Variants in SEC23IP observed in about 807,000 individuals in gnomAD.
The protein encoded by SEC23IP is SEC23-interacting protein.
A neutral mutation model predicts 113.4 loss-of-function variants in SEC23IP; 70 were observed. That is an observed-to-expected ratio of 0.62 (90% CI 0.51 to 0.75). The LOEUF (loss-of-function observed/expected upper bound fraction) is 0.75, where lower values mean the gene tolerates loss of function less well. Among genes scored for constraint, SEC23IP ranks in the 30% least tolerant of loss-of-function variants. SEC23IP has a pLI of 0.00. For synonymous variants in SEC23IP, 398 were observed against 421.0 expected (o/e 0.95, Z 0.67); for missense variants, 1,160 against 1,204.9 (o/e 0.96, Z 0.55).
chr10:119,897,409 G>A (rs1165222050), intron 1 of SEC23IP, among the ~76,000 whole-genome samples: 3 of 152,190 alleles, frequency 2.0e-5, no homozygotes, highest in African/African-American at 7.2e-5. Context: ...CAAAGGGATG[G>A]GAGATCTTCC....
chr10:119,915,883 TG>T lies in SEC23IP; in HGVS notation c.1540del (p.Asp514ThrfsTer24). The T allele has an allele frequency of 6.6e-7, 1 of 1,523,366 alleles. No individual in the cohort carries two copies. Among genetic ancestry groups the T allele is most frequent in the Non-Finnish European group, 8.8e-7 (1 of 1,132,612 alleles). 94.4% of individuals were successfully genotyped at this position (1,523,366 alleles called of 1,614,324 possible). A position where few individuals can be genotyped will look rare whatever the true frequency, so the allele number is the denominator to read the frequency against. ...HSSLGGDATG[V>X]DRNIKKITLP... is the part of the protein sequence containing the mutation. ...TCTTTGGGTGGGGACGCCACAGGTG[TG>T]GACAGGTTTGTGGATTTTGATAACT... On this transcript the variant is annotated frameshift_variant, in exon 8 of 19. Transcript: ENST00000369075. LOFTEE classifies it high-confidence loss of function.
In SEC23IP at chr10:119,899,481, A is replaced by T. The variant is rs540182410; in HGVS notation, c.696+522A>T. On this transcript the variant is annotated intron_variant, in intron 2 of 18. Transcript: ENST00000369075. ...ATTCCCTTATGCATTTTTCCCAACT[A>T]ATTGTTTATTTGATTTCCAAAGAAA... Among the ~76,000 whole-genome samples, 5 of 152,364 alleles carry T rather than the reference A, an allele frequency of 3.3e-5. No homozygotes were observed. In the South Asian group the frequency reaches 1.0e-3, roughly 32 times the overall value.
At chr10:119,902,051 T>C (rs899661939) in intron 2 of SEC23IP, among the ~76,000 whole-genome samples, 11 of 152,010 alleles carry the variant, frequency 7.2e-5, no homozygotes, top group African/African-American at 2.7e-4. Context: ...GGTCAAGGAG[T>C]AGGCACATTT....
chr10:119,933,266 C>A, intron 17 of SEC23IP, 99 bp downstream of exon 17: 1 of 940,440 alleles, frequency 1.1e-6, no homozygotes, highest in Non-Finnish European at 1.6e-6. Flanking sequence ...ATACAATGTA[C>A]TATGAATATT....
intron 11 of SEC23IP, 129 bp from the exon 12 acceptor site, chr10:119,920,756 ATAAC>A: frequency 1.8e-6 from 1 of 553,850 alleles, no homozygotes; most frequent in South Asian, 2.8e-5. Context: ...TAAATACAAA[ATAAC>A]TAACTTGTAA....
intron 2 of SEC23IP, among the ~76,000 whole-genome samples, chr10:119,902,595 C>A (rs761555680): frequency 2.0e-5 from 3 of 151,942 alleles, no homozygotes; most frequent in Non-Finnish European, 4.4e-5. Context: ...GTATAGATAT[C>A]CCTCACCTCA....
At chr10:119,938,813 T>G (rs928885768) in intron 18 of SEC23IP, among the ~76,000 whole-genome samples, 6 of 152,244 alleles carry the variant, frequency 3.9e-5, no homozygotes, top group Non-Finnish European at 8.8e-5. Flanking sequence ...TTCACTATAA[T>G]TGTTTTATTT....
chr10:119,913,353 G>C (rs559895045), intron 6 of SEC23IP, among the ~76,000 whole-genome samples: 1 of 152,308 alleles, frequency 6.6e-6, no homozygotes, highest in Non-Finnish European at 1.5e-5. Flanking sequence ...GGGGATTGCA[G>C]ACTTTTTCTG....
intron 1 of SEC23IP, among the ~76,000 whole-genome samples, chr10:119,896,970 A>G (rs1854303374): frequency 6.6e-6 from 1 of 152,210 alleles, no homozygotes; most frequent in Non-Finnish European, 1.5e-5. Flanking sequence ...TACCAAAAGG[A>G]GTATTTTGAA....
chr10:119,936,176 T>G (rs531156181), intron 18 of SEC23IP, among the ~76,000 whole-genome samples: 2 of 152,230 alleles, frequency 1.3e-5, no homozygotes, highest in African/African-American at 2.4e-5. Flanking sequence ...AACTCTGATA[T>G]GTAGTTTTAC....
intron 4 of SEC23IP, among the ~76,000 whole-genome samples, chr10:119,906,134 T>A (rs923090517): frequency 2.0e-5 from 3 of 151,260 alleles, no homozygotes; most frequent in Admixed American, 2.0e-4. Context: ...ACAAAAAAAT[T>A]AGCTGGGCAT....
Position 119,898,805 on chromosome 10 carries a change from A to G in SEC23IP, c.542A>G (p.Asn181Ser). ...QPQGIPQPGY[N>S]PYRHTPGSSR... is the part of the protein sequence containing the mutation. ...CAAGGAATTCCCCAACCAGGATACAATCCATATCGCCATACCCCTGGCAGC... is the reference window on the plus strand; with the variant it reads ...CAAGGAATTCCCCAACCAGGATACAGTCCATATCGCCATACCCCTGGCAGC... Residue 181 changes from asparagine (N) to serine (S), a missense_variant, in exon 2 of 19, where the codon AAT becomes AGT. By Grantham distance (46) the Asn-to-Ser change is conservative (BLOSUM62 1). Coordinates refer to ENST00000369075, the MANE Select transcript of SEC23IP (RefSeq NM_007190.4). The G allele has an allele frequency of 6.2e-7, 1 of 1,614,120 alleles. No individual in the cohort carries two copies. The highest frequency in any genetic ancestry group is 8.5e-7 in the Non-Finnish European group (1 of 1,180,026).
In SEC23IP at chr10:119,898,615, A is replaced by C; in HGVS notation, c.352A>C (p.Thr118Pro). 6.2e-7 allele frequency: 1 copy of C among 1,614,194 alleles called. No homozygotes were observed. ...ACAATCAGGATTCCCCAAGCCCCTG[A>C]CTGCTCTCCCTTTTACAACTGGATC... ...VGQSGFPKPL[T>P]ALPFTTGSQD... is the part of the protein sequence containing the mutation. The change falls in exon 2 of 19, where the codon ACT (threonine) becomes CCT (proline). Residue 118 changes from threonine (T) to proline (P), a missense_variant. Transcript: ENST00000369075.
At chr10:119,932,712 G>A (rs540705284) in intron 16 of SEC23IP, among the ~76,000 whole-genome samples, 1 of 152,298 alleles carries the variant, frequency 6.6e-6, no homozygotes, top group African/African-American at 2.4e-5. Context: ...GAAGGTCATC[G>A]TGCTGTGATG....
At position 119,926,067 on chromosome 10, in the gene SEC23IP, C is replaced by T. The variant is rs150192084; in HGVS notation, c.2153C>T (p.Ala718Val). ...GCAGCGTCAGAAAAGAAGGCAGTGG[C>T]GGCCACTTCTACAAAAGGACAAGAG... ...KKAASEKKAV[A>V]ATSTKGQEQS... is the part of the protein sequence containing the mutation. Residue 718 changes from alanine to valine, a missense_variant, in exon 13 of 19, where the codon GCG becomes GTG. Ala to Val is a moderately conservative substitution (Grantham distance 64). Coordinates refer to ENST00000369075, the MANE Select transcript of SEC23IP (RefSeq NM_007190.4). 5.8e-4 allele frequency: 929 copies of T among 1,613,316 alleles called. 3 individuals carry two copies. The African/African-American group carries it at 0.01, about 18-fold the overall frequency.
Position 119,915,749 on chromosome 10 carries a change from G to A in SEC23IP, c.1404G>A (p.Val468=). The A allele has an allele frequency of 6.5e-7, 1 of 1,539,706 alleles. No individual in the cohort carries two copies. The highest frequency in any genetic ancestry group is 8.7e-7 in the Non-Finnish European group (1 of 1,143,344). The change falls in exon 8 of 19, where the codon GTG becomes GTA. Residue 468 remains valine (V), a splice_region_variant and synonymous_variant. Transcript: ENST00000369075. ...CTCTTTTTTTTTTTTCTTTTGAAGT[G>A]GATGATTTTAGGGTGGTTTCTCTCA... ...DLRFRSIIEC[V]DDFRVVSLKL... is the part of the protein sequence containing the mutation.
chr10:119,923,117 T>A (rs1230210843), intron 12 of SEC23IP, among the ~76,000 whole-genome samples: 1 of 152,224 alleles, frequency 6.6e-6, no homozygotes, highest in Non-Finnish European at 1.5e-5. Flanking sequence ...TCTATAGTTC[T>A]TGAAGAATTT....
chr10:119,913,342 C>T (rs12767892), intron 6 of SEC23IP, among the ~76,000 whole-genome samples: 8,957 of 152,184 alleles, frequency 0.059, 441 homozygotes, highest in South Asian at 0.27. Flanking sequence ...TCCTCTGGTG[C>T]GGGGATTGCA....
chr10:119,918,467 G>A lies in SEC23IP; in HGVS notation c.1828G>A (p.Val610Ile). Residue 610 changes from valine (V) to isoleucine (I), a missense_variant, in exon 10 of 19, where the codon GTT becomes ATT. Transcript: ENST00000369075. ...ATCAAAGTGCCCTGGACCTCTTGCT[G>A]TTGCTAATGGAGTTGTGAAGCAGCT... ...NLSKCPGPLA[V>I]ANGVVKQLHF... 1.2e-6 allele frequency: 2 copies of A among 1,613,784 alleles called. No homozygotes were observed. Among genetic ancestry groups the A allele is most frequent in the East Asian group, 2.2e-5 (1 of 44,878 alleles).
Sources: gnomAD v4.1 joint callset for allele counts (sites outside exome capture counted in the v4.1 genomes callset) on GRCh38, gnomAD v4.1.1 for gene constraint, MANE v1.5 for transcripts, NCBI Gene and HGNC (gene_info 2026-07-23, HGNC 2026-07-21) for gene names.